The following GLIS3 variants were observed in gnomAD, a reference collection of about 807,000 sequenced individuals.
GLIS3 encodes zinc finger protein GLIS3.
Under a neutral mutation model 78.6 loss-of-function variants are expected in GLIS3, and 53 were observed. The ratio of observed to expected loss-of-function variants is 0.67; its 90% confidence interval spans 0.54 to 0.85. The LOEUF (loss-of-function observed/expected upper bound fraction) is 0.85, where lower values mean the gene tolerates loss of function less well. Ranked by LOEUF, GLIS3 falls within the 40% of genes least tolerant of loss-of-function variation. The pLI, the probability that GLIS3 is intolerant of heterozygous loss-of-function variation, is 0.00. For missense variants in GLIS3, 1,703 were observed against 1,231.1 expected (o/e 1.38, Z -5.74); for synonymous variants, 684 against 509.9 (o/e 1.34, Z -4.60).
intron 4 of GLIS3, among the ~76,000 whole-genome samples, chr9:3,960,270 C>G (rs976694678): frequency 1.3e-5 from 2 of 152,138 alleles, no homozygotes; most frequent in Non-Finnish European, 2.9e-5. Flanking sequence ...GGGAGCAGAT[C>G]CTCTTCTCAC....
chr9:3,934,081 G>C (rs1825763341), intron 5 of GLIS3, among the ~76,000 whole-genome samples: 2 of 152,158 alleles, frequency 1.3e-5, no homozygotes, highest in South Asian at 4.1e-4. Context: ...GATACCTCAT[G>C]GTTTCTATAA....
rs199505727 is a variant in GLIS3 at position 3,829,429 on chromosome 9, G to A, written c.2537C>T (p.Pro846Leu). The change falls in exon 10 of 11, where the codon CCG becomes CTG. Residue 846 changes from proline to leucine, a missense_variant. Coordinates refer to ENST00000381971, the MANE Select transcript of GLIS3 (RefSeq NM_001042413.2). ...PHYPDSQRIV[P>L]PVSSCSVVPS... is the part of the protein sequence containing the mutation. ...CACCACACTGCAGGAGCTGACAGGC[G>A]GCACAATTCTCTGGGAATCGGGGTA... 7.5e-5 allele frequency: 121 copies of A among 1,614,118 alleles called. No homozygotes were observed. In the East Asian group the frequency reaches 2.1e-3, roughly 28 times the overall value.
chr9:4,029,052 A>G (rs1823589729), intron 4 of GLIS3, among the ~76,000 whole-genome samples: 1 of 152,202 alleles, frequency 6.6e-6, no homozygotes, highest in African/African-American at 2.4e-5. Flanking sequence ...TTTTGTAGAA[A>G]GAAGAAAAAA....
At chr9:4,074,402 C>G (rs1400203934) in intron 4 of GLIS3, among the ~76,000 whole-genome samples, 1 of 152,176 alleles carries the variant, frequency 6.6e-6, no homozygotes, top group Non-Finnish European at 1.5e-5. Context: ...CACTCACCTA[C>G]TCCTCCTGTT....
At chr9:3,904,460 A>C (rs567154988) in intron 6 of GLIS3, among the ~76,000 whole-genome samples, 30 of 152,300 alleles carry the variant, frequency 2.0e-4, no homozygotes, top group Middle Eastern at 3.4e-3. Context: ...TGAAATTATT[A>C]TCTCTCTCCA....
At chr9:3,956,699 C>A (rs939479754) in intron 4 of GLIS3, among the ~76,000 whole-genome samples, 1 of 152,122 alleles carries the variant, frequency 6.6e-6, no homozygotes, top group Non-Finnish European at 1.5e-5. Context: ...TTCCTCCTTT[C>A]ATTACCGAAG....
intron 2 of GLIS3, among the ~76,000 whole-genome samples, chr9:4,143,331 C>G (rs1193153923): frequency 2.0e-5 from 3 of 152,040 alleles, no homozygotes; most frequent in Non-Finnish European, 4.4e-5. Context: ...CTTTGGGAGG[C>G]TGAGGCGGGC....
At chr9:3,997,014 C>G (rs1037366419) in intron 4 of GLIS3, among the ~76,000 whole-genome samples, 13 of 152,068 alleles carry the variant, frequency 8.5e-5, no homozygotes, top group African/African-American at 3.1e-4. Context: ...ACTATTGAAT[C>G]CGAAATTTAA....
intron 9 of GLIS3, among the ~76,000 whole-genome samples, chr9:3,842,863 T>A (rs1818806627): frequency 6.6e-6 from 1 of 152,180 alleles, no homozygotes; most frequent in Non-Finnish European, 1.5e-5. Context: ...TCATTTGAAA[T>A]GGAGAGAGGG....
At chr9:4,435,753 T>A in the GLIS3 span, among the ~76,000 whole-genome samples, 2 of 152,180 alleles carry the variant, frequency 1.3e-5, no homozygotes, top group Non-Finnish European at 2.9e-5. Flanking sequence ...ATGGAGACCA[T>A]CCTGGCTAAT....
At position 4,083,559 on chromosome 9, in the gene GLIS3, T is replaced by C. The variant is rs151049887; in HGVS notation, c.1710+34209A>G. 7.6e-4 allele frequency among the ~76,000 whole-genome samples: 115 copies of C among 152,308 alleles called. 2 individuals carry two copies. The highest frequency in any genetic ancestry group is 2.2e-3 in the Admixed American group (33 of 15,298). On this transcript the variant is annotated intron_variant, in intron 4 of 10. Transcript: ENST00000381971. ...AATTGAAACATTAATTTACTTTCCA[T>C]AGGTCATACAGCCAATCTATAGGTA...
At chr9:4,032,293 T>G (rs1378255148) in intron 4 of GLIS3, among the ~76,000 whole-genome samples, 1 of 152,188 alleles carries the variant, frequency 6.6e-6, no homozygotes, top group Admixed American at 6.5e-5. Context: ...CTTCCCAAGT[T>G]TCTTAGAATT....
intron 9 of GLIS3, chr9:3,855,798 A>G: frequency 1.7e-6 from 1 of 592,704 alleles, no homozygotes; most frequent in Non-Finnish European, 3.0e-6. Context: ...GACCAGTGCG[A>G]TGTGTCATAA....
chr9:4,122,866 TA>T (rs1225449457), intron 3 of GLIS3, among the ~76,000 whole-genome samples: 5 of 152,232 alleles, frequency 3.3e-5, no homozygotes, highest in Admixed American at 1.3e-4. Flanking sequence ...ATGGCCTCTG[TA>T]TTCGAGTTTT....
At chr9:4,283,997 A>T (rs966155401) in intron 2 of GLIS3, among the ~76,000 whole-genome samples, 36 of 152,244 alleles carry the variant, frequency 2.4e-4, no homozygotes, top group African/African-American at 8.7e-4. Flanking sequence ...AAGAAGCAGC[A>T]CTACTTCTGA....
chr9:4,444,306 C>T, the GLIS3 span, among the ~76,000 whole-genome samples: 1 of 152,224 alleles, frequency 6.6e-6, no homozygotes, highest in African/African-American at 2.4e-5. Flanking sequence ...ATAATAAAGA[C>T]ATCTAAGCAA....
intron 2 of GLIS3, among the ~76,000 whole-genome samples, chr9:4,149,060 TAGCTATCAACA>T (rs912352100): frequency 4.6e-4 from 70 of 152,330 alleles, no homozygotes; most frequent in African/African-American, 1.7e-3. Context: ...AGAGTTTACC[TAGCTATCAACA>T]TGGTGATCAT....
chr9:4,431,537 A>G, the GLIS3 span, among the ~76,000 whole-genome samples: 1 of 152,062 alleles, frequency 6.6e-6, no homozygotes, highest in African/African-American at 2.4e-5. Context: ...GAGGCTGGCA[A>G]ATGTTTTCTG....
the GLIS3 span, among the ~76,000 whole-genome samples, chr9:4,442,363 G>A: frequency 6.6e-6 from 1 of 151,844 alleles, no homozygotes; most frequent in Non-Finnish European, 1.5e-5. Context: ...CTAGATAAAG[G>A]TTTATTGATT....
Sources: allele counts gnomAD v4.1 joint callset (sites outside exome capture counted in the v4.1 genomes callset), GRCh38; gene constraint gnomAD v4.1.1; transcripts MANE v1.5; gene names NCBI Gene and HGNC (gene_info 2026-07-23, HGNC 2026-07-21).